The following MEF2A variants were observed in gnomAD, a reference collection of about 807,000 sequenced individuals.
MEF2A encodes the protein myocyte-specific enhancer factor 2A.
Under a neutral mutation model 55.8 loss-of-function variants are expected in MEF2A, and 28 were observed. The ratio of observed to expected loss-of-function variants is 0.50; its 90% CI spans 0.37 to 0.69. The LOEUF is 0.69. Among genes scored for constraint, MEF2A ranks in the 30% least tolerant of loss-of-function variants. The probability of loss-of-function intolerance (pLI) is 0.00; values close to 1 mark genes in which losing one functional copy is unlikely to be tolerated. For missense variants in MEF2A, 528 were observed against 626.2 expected (o/e 0.84, Z 1.67); for synonymous variants, 239 against 227.1 (o/e 1.05, Z -0.47).
intron 8 of MEF2A, among the ~76,000 whole-genome samples, chr15:99,699,309 T>C (rs892762060): frequency 6.6e-6 from 1 of 152,230 alleles, no homozygotes; most frequent in African/African-American, 2.4e-5. Context: ...TGAATTTTGC[T>C]AAGTAAAAGA....
rs142569943 is a variant in MEF2A at position 99,596,241 on chromosome 15, C to T, written c.-224-2189C>T. Among the ~76,000 whole-genome samples the T allele has an allele frequency of 4.3e-3, 658 of 152,064 alleles. 4 individuals are homozygous for T. Among genetic ancestry groups the T allele is most frequent in the African/African-American group, 0.014 (599 of 41,454 alleles). On this transcript the variant is annotated intron_variant, in intron 1 of 11. Coordinates refer to ENST00000557942, the MANE Select transcript of MEF2A (RefSeq NM_001319206.4). Reference sequence around the variant, plus strand: ...AAATTTGTGTTTAATCACTTGTTTGCCATGGGCCAAATAGCTAAATTTTGG... The same window carrying T: ...AAATTTGTGTTTAATCACTTGTTTGTCATGGGCCAAATAGCTAAATTTTGG...
At chr15:99,637,559 G>A (rs1470579187) in intron 3 of MEF2A, among the ~76,000 whole-genome samples, 1 of 152,054 alleles carries the variant, frequency 6.6e-6, no homozygotes, top group Non-Finnish European at 1.5e-5. Flanking sequence ...CTGCCAAAGT[G>A]GCTGCACCAT....
chr15:99,695,539 A>G (rs200283896), intron 8 of MEF2A, among the ~76,000 whole-genome samples: 1 of 62,254 alleles, frequency 1.6e-5, no homozygotes, highest in Non-Finnish European at 4.9e-5. Context: ...AGATTGTCAG[A>G]TTTGTGTGTG....
At chr15:99,571,952 G>T (rs1008413307) in intron 1 of MEF2A, among the ~76,000 whole-genome samples, 5 of 150,812 alleles carry the variant, frequency 3.3e-5, no homozygotes, top group Non-Finnish European at 4.4e-5. Context: ...TCATTCTCTT[G>T]CATGAAGTAC....
chr15:99,645,800 A>G (rs772513120), intron 4 of MEF2A, 36 bp downstream of exon 4: 1 of 1,416,290 alleles, frequency 7.1e-7, no homozygotes, highest in Non-Finnish European at 9.6e-7. Context: ...ATTGCAAGTA[A>G]TACTGAAATA....
At chr15:99,614,262 T>TC (rs1280629028) in intron 2 of MEF2A, among the ~76,000 whole-genome samples, 1 of 152,204 alleles carries the variant, frequency 6.6e-6, no homozygotes, top group East Asian at 1.9e-4. Flanking sequence ...AAGAATAACT[T>TC]CTTTTTTTTT....
intron 1 of MEF2A, among the ~76,000 whole-genome samples, chr15:99,567,500 A>G (rs926267526): frequency 7.2e-5 from 11 of 152,206 alleles, no homozygotes; most frequent in African/African-American, 2.7e-4. Flanking sequence ...CAGTTCTTGA[A>G]CAGTCTGTGG....
intron 3 of MEF2A, 147 bp from the exon 4 acceptor site, chr15:99,645,414 A>G: frequency 3.3e-6 from 2 of 608,842 alleles, no homozygotes; most frequent in East Asian, 2.8e-5. Flanking sequence ...ACAACAGGAG[A>G]GGGAAGGCTC....
At chr15:99,665,657 A>G (rs932191098) in intron 4 of MEF2A, among the ~76,000 whole-genome samples, 1 of 148,612 alleles carries the variant, frequency 6.7e-6, no homozygotes, top group African/African-American at 2.5e-5. Context: ...AGCCTACAGA[A>G]TGGGAGAAAA....
At chr15:99,665,898 A>G (rs1413651378) in intron 4 of MEF2A, among the ~76,000 whole-genome samples, 1 of 152,146 alleles carries the variant, frequency 6.6e-6, no homozygotes, top group Non-Finnish European at 1.5e-5. Context: ...TACCATCTCA[A>G]GCCAGTTAGA....
At chr15:99,657,551 A>G (rs1403996108) in intron 4 of MEF2A, 2 of 152,120 alleles carry the variant, frequency 1.3e-5, no homozygotes, top group African/African-American at 4.8e-5. Context: ...AAGAACATAA[A>G]GGTAAAAAAG....
chr15:99,677,050 G>A (rs952371106), intron 7 of MEF2A, among the ~76,000 whole-genome samples: 8 of 152,012 alleles, frequency 5.3e-5, no homozygotes, highest in Non-Finnish European at 8.8e-5. Flanking sequence ...GATCCCAGGA[G>A]GCGGAGGTTG....
At chr15:99,577,084 C>G (rs939883562) in intron 1 of MEF2A, among the ~76,000 whole-genome samples, 1 of 152,222 alleles carries the variant, frequency 6.6e-6, no homozygotes, top group Non-Finnish European at 1.5e-5. Flanking sequence ...AATAACCTTT[C>G]TGGGCATCAC....
intron 7 of MEF2A, among the ~76,000 whole-genome samples, chr15:99,680,070 ATGAAG>A (rs1428773308): frequency 2.0e-5 from 3 of 152,224 alleles, no homozygotes; most frequent in African/African-American, 7.2e-5. Flanking sequence ...GCCAAGGTTG[ATGAAG>A]TGAAAAGCTG....
At chr15:99,629,285 C>CATTCTAAGGAAATTGAACATTCATT (rs1439004346) in intron 2 of MEF2A, among the ~76,000 whole-genome samples, 1 of 152,072 alleles carries the variant, frequency 6.6e-6, no homozygotes, top group African/African-American at 2.4e-5. Flanking sequence ...ATTGAACACT[C>CATTCTAAGGAAATTGAACATTCATT]GAACAAAGGA....
intron 2 of MEF2A, among the ~76,000 whole-genome samples, chr15:99,629,551 C>T (rs1296873973): frequency 2.0e-5 from 3 of 151,996 alleles, no homozygotes; most frequent in Non-Finnish European, 4.4e-5. Flanking sequence ...CTGTAATGAG[C>T]TAGAAAGTTA....
intron 8 of MEF2A, among the ~76,000 whole-genome samples, chr15:99,697,093 C>T (rs145131986): frequency 1.3e-3 from 199 of 151,840 alleles, no homozygotes; most frequent in Non-Finnish European, 2.6e-3. Flanking sequence ...TAGAAAGGAA[C>T]TTAATAAAGA....
chr15:99,651,746 C>A (rs547823093), intron 4 of MEF2A, among the ~76,000 whole-genome samples: 2 of 152,106 alleles, frequency 1.3e-5, no homozygotes, highest in Non-Finnish European at 2.9e-5. Context: ...TTTAATCATA[C>A]AATTATTGGT....
chr15:99,683,604 A>C (rs972081728), intron 7 of MEF2A, among the ~76,000 whole-genome samples: 8 of 150,652 alleles, frequency 5.3e-5, no homozygotes, highest in Non-Finnish European at 1.2e-4. Context: ...GGGTTTCGCC[A>C]TGTTGGCCAG....
Sources: gnomAD v4.1 joint callset for allele counts (sites outside exome capture counted in the v4.1 genomes callset) on GRCh38, gnomAD v4.1.1 for gene constraint, MANE v1.5 for transcripts, NCBI Gene and HGNC (gene_info 2026-07-23, HGNC 2026-07-21) for gene names.